The following CDH4 variants were observed in gnomAD, a reference collection of about 807,000 sequenced individuals.
The protein encoded by CDH4 is cadherin-4.
Under a neutral mutation model 86.0 loss-of-function variants are expected in CDH4, and 33 were observed. That is an observed-to-expected ratio of 0.38 (90% confidence interval 0.29 to 0.51). The LOEUF is 0.51. Among genes scored for constraint, CDH4 ranks in the 20% least tolerant of loss-of-function variants. CDH4 has a pLI of 0.86. For synonymous variants in CDH4, 555 were observed against 549.4 expected (o/e 1.01, Z -0.14); for missense variants, 1,114 against 1,307.4 (o/e 0.85, Z 2.28).
intron 2 of CDH4, among the ~76,000 whole-genome samples, chr20:61,626,269 G>A (rs1276108703): frequency 6.6e-6 from 1 of 152,168 alleles, no homozygotes; most frequent in African/African-American, 2.4e-5. Context: ...GGACGTCAGA[G>A]CAGAGGGAAT....
At chr20:61,394,165 G>A (rs542659552) in intron 2 of CDH4, among the ~76,000 whole-genome samples, 2 of 152,218 alleles carry the variant, frequency 1.3e-5, no homozygotes, top group South Asian at 2.1e-4. Context: ...CATTCCTGGG[G>A]AACATTTTCC....
chr20:61,543,477 T>G (rs2086055143), intron 2 of CDH4, among the ~76,000 whole-genome samples: 1 of 152,262 alleles, frequency 6.6e-6, no homozygotes, highest in African/African-American at 2.4e-5. Flanking sequence ...TGTCGCTAAA[T>G]TCACTAATGT....
In CDH4 at chr20:61,501,263, C is replaced by T. The variant is rs1261788244; in HGVS notation, c.170-242300C>T. The stretch of plus-strand genomic sequence containing the variant: ...CTTCATAGTTTAAATGGCAATCATT[C>T]CTTGAAGCCTGCAGCCTGCGATAAT... On this transcript the variant is annotated intron_variant, in intron 2 of 15. Transcript: ENST00000614565. The surrounding 1 kb of genome is among the most constrained non-coding windows in gnomAD (Gnocchi z 4.2). Among the ~76,000 whole-genome samples the T allele has an allele frequency of 6.6e-6, 1 of 152,198 alleles. No individual in the cohort carries two copies. Among genetic ancestry groups the T allele is most frequent in the Non-Finnish European group, 1.5e-5 (1 of 68,048 alleles).
intron 2 of CDH4, among the ~76,000 whole-genome samples, chr20:61,635,387 G>A (rs150157913): frequency 1.1e-4 from 17 of 152,268 alleles, no homozygotes; most frequent in African/African-American, 3.6e-4. Flanking sequence ...CCCAGTCACC[G>A]CCCCTGGGAG....
At chr20:61,403,583 T>C (rs943138675) in intron 2 of CDH4, among the ~76,000 whole-genome samples, 1 of 152,126 alleles carries the variant, frequency 6.6e-6, no homozygotes, top group Admixed American at 6.5e-5. Context: ...CAGGCTGGAT[T>C]AAGAGACTAG....
chr20:61,812,260 A>C (rs1292224657), intron 4 of CDH4, among the ~76,000 whole-genome samples: 1 of 152,112 alleles, frequency 6.6e-6, no homozygotes, highest in East Asian at 1.9e-4. Context: ...GCAGCCAGAG[A>C]CGGTCTCAGC....
intron 2 of CDH4, among the ~76,000 whole-genome samples, chr20:61,696,193 A>G (rs2087713138): frequency 6.6e-6 from 1 of 152,242 alleles, no homozygotes; most frequent in Admixed American, 6.5e-5. Flanking sequence ...CCAACCAGGT[A>G]TGCTTGAAGG....
At chr20:61,780,746 G>A (rs1978495452) in intron 4 of CDH4, among the ~76,000 whole-genome samples, 1 of 152,190 alleles carries the variant, frequency 6.6e-6, no homozygotes, top group African/African-American at 2.4e-5. Flanking sequence ...AATCTGTTGG[G>A]GACTCCACGC....
chr20:61,675,147 C>G (rs2087432468), intron 2 of CDH4, among the ~76,000 whole-genome samples: 1 of 152,236 alleles, frequency 6.6e-6, no homozygotes, highest in Non-Finnish European at 1.5e-5. Context: ...GGCAGAAATC[C>G]CTGCAGCTGG....
At chr20:61,882,034 C>T (rs1180918271) in intron 7 of CDH4, among the ~76,000 whole-genome samples, 1 of 152,220 alleles carries the variant, frequency 6.6e-6, no homozygotes, top group Non-Finnish European at 1.5e-5. Flanking sequence ...GTGGAAGAGG[C>T]AGGACAGGTC....
At chr20:61,658,032 G>C (rs1422611960) in intron 2 of CDH4, among the ~76,000 whole-genome samples, 1 of 152,114 alleles carries the variant, frequency 6.6e-6, no homozygotes, top group Non-Finnish European at 1.5e-5. Flanking sequence ...CCACACAGCT[G>C]ATTATTTCAC....
intron 4 of CDH4, among the ~76,000 whole-genome samples, chr20:61,813,822 C>T (rs1018573556): frequency 6.6e-6 from 1 of 152,158 alleles, no homozygotes; most frequent in Non-Finnish European, 1.5e-5. Flanking sequence ...GCTCACCAGC[C>T]CTCTCCAGTA....
rs182720642 is a variant in CDH4, at chr20:61,285,468, A to G, written c.169+30531A>G. ...TGTGAGCCACAGCACCCAGGTATGG[A>G]GAAGAAGGAAAGAGGGGAAGCAAAA... is the stretch of plus-strand genomic sequence containing the variant. On this transcript the variant is annotated intron_variant, in intron 2 of 15. Transcript: ENST00000614565. Among the ~76,000 whole-genome samples, 447 of 152,314 alleles carry G rather than the reference A, an allele frequency of 2.9e-3. 18 individuals are homozygous for G. The highest frequency in any genetic ancestry group is 0.023 in the Admixed American group (359 of 15,302).
At chr20:61,627,171 G>A (rs1018958065) in intron 2 of CDH4, among the ~76,000 whole-genome samples, 1 of 152,182 alleles carries the variant, frequency 6.6e-6, no homozygotes. Flanking sequence ...GACACAGGTT[G>A]GAGGACCCGT....
intron 4 of CDH4, among the ~76,000 whole-genome samples, chr20:61,805,135 T>C (rs1166421623): frequency 6.6e-6 from 1 of 152,122 alleles, no homozygotes; most frequent in African/African-American, 2.4e-5. Context: ...TTTGATGGGC[T>C]CATATGCCCA....
intron 2 of CDH4, among the ~76,000 whole-genome samples, chr20:61,449,747 T>C (rs935199217): frequency 6.6e-6 from 1 of 152,228 alleles, no homozygotes; most frequent in African/African-American, 2.4e-5. Flanking sequence ...AGAAGTGAAA[T>C]TATACCAAAT....
Position 61,393,431 on chromosome 20 carries a change from G to A in CDH4, c.169+138494G>A, listed in dbSNP as rs557741193. On this transcript the variant is annotated intron_variant, in intron 2 of 15. Transcript: ENST00000614565. The surrounding 1 kb of genome is among the most constrained non-coding windows in gnomAD (Gnocchi z 4.3). The stretch of plus-strand genomic sequence containing the variant: ...TGATGTCGAGGACCCCCAGGGATTG[G>A]CAAAATTAAACCTGGATGCTTTGAT... 3.9e-5 allele frequency among the ~76,000 whole-genome samples: 6 copies of A among 152,274 alleles called. No individual in the cohort carries two copies. Among genetic ancestry groups the A allele is most frequent in the South Asian group, 4.1e-4 (2 of 4,822 alleles).
Position 61,623,190 on chromosome 20 carries a change from C to T in CDH4, c.170-120373C>T, listed in dbSNP as rs536309022. ...GAAGGGCCTGGGTTCAAATCTCGAC[C>T]CTGCCTATGCCAGCCGCTGGCTCAC... is the stretch of plus-strand genomic sequence containing the variant. On this transcript the variant is annotated intron_variant, in intron 2 of 15. Transcript: ENST00000614565. This position sits in a 1 kb window ranked among gnomAD's most constrained non-coding sequence, Gnocchi z 4.4. Among the ~76,000 whole-genome samples the T allele has an allele frequency of 7.2e-5, 11 of 152,242 alleles. No individual in the cohort carries two copies. The highest frequency in any genetic ancestry group is 1.9e-4 in the African/African-American group (8 of 41,556).
intron 6 of CDH4, among the ~76,000 whole-genome samples, chr20:61,870,603 C>T (rs1473870020): frequency 2.0e-5 from 3 of 152,310 alleles, no homozygotes; most frequent in East Asian, 3.9e-4. Flanking sequence ...TGGATCCTCA[C>T]AGGTTTCACA....
Sources: allele counts gnomAD v4.1 joint callset (sites outside exome capture counted in the v4.1 genomes callset), GRCh38; gene constraint gnomAD v4.1.1; non-coding constraint Gnocchi (gnomAD v3.1); transcripts MANE v1.5; gene names NCBI Gene and HGNC (gene_info 2026-07-23, HGNC 2026-07-21).